The following HAAO variants were observed in gnomAD, a reference collection of about 807,000 sequenced individuals.
The protein encoded by HAAO is 3-hydroxyanthranilate 3,4-dioxygenase.
In HAAO, 49 loss-of-function variants were observed where a neutral mutation model predicts 46.2. The ratio of observed to expected loss-of-function variants is 1.06; its 90% confidence interval spans 0.84 to 1.34. HAAO has a LOEUF of 1.34. Among genes scored for constraint, HAAO ranks in the 40% most tolerant of loss-of-function variants. The pLI is 0.00. For synonymous variants in HAAO, 157 were observed against 145.2 expected, an observed-to-expected ratio of 1.08 and a Z score of -0.58; for missense variants, 408 against 364.5, an observed-to-expected ratio of 1.12 and a Z score of -0.97.
chr2:42,771,457 AAAAAG>A (rs1438432267), intron 4 of HAAO, among the ~76,000 whole-genome samples: 52 of 151,748 alleles, frequency 3.4e-4, no homozygotes, highest in African/African-American at 9.9e-4. Context: ...AAAAAAAAAA[AAAAAG>A]AAGCCAACAC....
chr2:42,783,043 C>G, intron 4 of HAAO: 1 of 528,808 alleles, frequency 1.9e-6, no homozygotes, highest in Non-Finnish European at 3.4e-6. Flanking sequence ...CAACCTCACG[C>G]AGAAAGCACA....
Position 42,788,575 on chromosome 2 carries a change from C to G in HAAO, c.113G>C (p.Gly38Ala). The G allele has an allele frequency of 6.2e-7, 1 of 1,606,058 alleles. No homozygotes were observed. The highest frequency in any genetic ancestry group is 8.5e-7 in the Non-Finnish European group (1 of 1,172,798). Residue 38 changes from glycine (G) to alanine (A), a missense_variant, in exon 2 of 10, where the codon GGA becomes GCA. Transcript: ENST00000294973. ...ATAGTCCTTCCTGGTGTTGGGGCCT[C>G]CGATGAACATGACTTTGAGCTGCTC... Reference protein sequence around the residue: ...HQEQLKVMFIGGPNTRKDYHI... With the variant: ...HQEQLKVMFIAGPNTRKDYHI...
At position 42,792,071 on chromosome 2, in the gene HAAO, C is replaced by G. The variant is rs556510302; in HGVS notation, c.80+386G>C. Among the ~76,000 whole-genome samples, 13 of 152,266 alleles carry G rather than the reference C, an allele frequency of 8.5e-5. No individual in the cohort carries two copies. The East Asian group carries it at 1.7e-3, about 20-fold the overall frequency. ...GGTTGGGGTGTATGATTTGGCTGCC[C>G]CCAGGCCTACATTCTAGTGCATTTC... On this transcript the variant is annotated intron_variant, in intron 1 of 9. Coordinates refer to ENST00000294973, the MANE Select transcript of HAAO (RefSeq NM_012205.3).
At position 42,792,437 on chromosome 2, in the gene HAAO, C is replaced by CCCAT. The variant is rs1558680265; in HGVS notation, c.80+19_80+20insATGG. 6.8e-7 allele frequency: 1 copy of CCCAT among 1,476,350 alleles called. No homozygotes were observed. Among genetic ancestry groups the CCCAT allele is most frequent in the Non-Finnish European group, 9.2e-7 (1 of 1,085,620 alleles). The allele number at this position is 1,476,350 out of a possible 1,614,324, so 91.5% of individuals were successfully genotyped here. A position where few individuals can be genotyped will look rare whatever the true frequency, so the allele number is the denominator to read the frequency against. Reference sequence around the variant, plus strand: ...GGAGGAGGCGAGGGCAGGGGGCGGCCATGGGGGTGCTGGACTCACATGAGC... The same window carrying CCCAT: ...GGAGGAGGCGAGGGCAGGGGGCGGCCCCATATGGGGGTGCTGGACTCACATGAGC... On this transcript the variant is annotated intron_variant, in intron 1 of 9. Transcript: ENST00000294973.
intron 7 of HAAO, among the ~76,000 whole-genome samples, chr2:42,768,618 C>T (rs1454693768): frequency 6.6e-6 from 1 of 152,158 alleles, no homozygotes. Context: ...TCATTCAAAG[C>T]CCATGGGATG....
chr2:42,783,058 C>G, intron 4 of HAAO: 5 of 546,446 alleles, frequency 9.2e-6, no homozygotes, highest in South Asian at 4.3e-5. Context: ...AGCACAGATT[C>G]TGATTCCAGC....
At chr2:42,783,284 C>T in intron 4 of HAAO, 30 bp downstream of exon 4, 1 of 1,364,582 alleles carries the variant, frequency 7.3e-7, no homozygotes, top group African/African-American at 1.4e-5. Context: ...TTTGCCCTTT[C>T]TCTGCCCCAG....
At chr2:42,776,896 T>G (rs1038938202) in intron 4 of HAAO, among the ~76,000 whole-genome samples, 2 of 151,926 alleles carry the variant, frequency 1.3e-5, no homozygotes, top group African/African-American at 4.8e-5. Flanking sequence ...CCTCCCAAAG[T>G]GCTGGGATTA....
rs754956255 is a variant in HAAO at position 42,767,851 on chromosome 2, C to T, written c.699+9G>A. ...GGGTTCTGCAACCCTGTCCCTGGGC[C>T]CCACTTGCCAGCTGCCACAGCCACA... On this transcript the variant is annotated intron_variant, in intron 8 of 9. Transcript: ENST00000294973. 6 of 1,613,522 alleles carry T rather than the reference C, an allele frequency of 3.7e-6. No individual in the cohort carries two copies. Among genetic ancestry groups the T allele is most frequent in the Non-Finnish European group, 4.2e-6 (5 of 1,179,446 alleles).
chr2:42,770,621 C>T (rs1315197857), intron 4 of HAAO, 39 bp from the exon 5 acceptor site: 1 of 1,422,988 alleles, frequency 7.0e-7, no homozygotes, highest in Non-Finnish European at 9.6e-7. Context: ...CTGTCCCCAT[C>T]TGGGTGGCTT....
intron 4 of HAAO, among the ~76,000 whole-genome samples, chr2:42,778,773 A>G (rs1004115189): frequency 1.3e-5 from 2 of 152,064 alleles, no homozygotes; most frequent in Non-Finnish European, 2.9e-5. Context: ...CATGTAAGAG[A>G]TGGGCATGGG....
chr2:42,778,247 A>T (rs990938173), intron 4 of HAAO, among the ~76,000 whole-genome samples: 1 of 152,316 alleles, frequency 6.6e-6, no homozygotes, highest in East Asian at 1.9e-4. Context: ...ACATCTGTGT[A>T]TCTCTCTGTA....
In HAAO at chr2:42,771,214, T is replaced by TAAA. The variant is rs1175608291; in HGVS notation, c.351-635_351-633dup. ...CAACATGGTGAAACCCTGTCTCTACTAAAAATAATAATAATAATAAATAAA... is the reference window on the plus strand; with the variant it reads ...CAACATGGTGAAACCCTGTCTCTACTAAAAAAAATAATAATAATAATAAATAAA... On this transcript the variant is annotated intron_variant, in intron 4 of 9. Coordinates refer to ENST00000294973, the MANE Select transcript of HAAO (RefSeq NM_012205.3). Among the ~76,000 whole-genome samples the TAAA allele has an allele frequency of 2.4e-5, 3 of 126,030 alleles. No individual in the cohort carries two copies. The Admixed American group carries it at 2.6e-4, about 11-fold the overall frequency. The allele number at this position is 126,030 out of a possible 152,430, so 82.7% of individuals were successfully genotyped here. A position where few individuals can be genotyped will look rare whatever the true frequency, so the allele number is the denominator to read the frequency against.
At position 42,783,337 on chromosome 2, in the gene HAAO, C is replaced by A. The variant is rs1471432892; in HGVS notation, c.327G>T (p.Leu109=). 4.3e-6 allele frequency: 7 copies of A among 1,611,946 alleles called. No individual in the cohort carries two copies. The highest frequency in any genetic ancestry group is 5.9e-6 in the Non-Finnish European group (7 of 1,178,616). The change falls in exon 4 of 10, where the codon CTG becomes CTT. Residue 109 remains leucine, a synonymous_variant. Transcript: ENST00000294973. ...TVGLVVERRR[L]ETELDGLRYY... ...ACCTGAGCCCATCTAGCTCGGTCTC[C>A]AGCCGCCTTCGCTCAACCACCAGCC... is the stretch of plus-strand genomic sequence containing the variant.
In HAAO at chr2:42,792,548, G is replaced by A. The variant is rs1046331957; in HGVS notation, c.-12C>T. On this transcript the variant is annotated 5_prime_UTR_variant, in exon 1 of 10. Transcript: ENST00000294973. ...AGGCGGCGCTCCATGACTGTCCCGG[G>A]CGCCTCCTCGCAGCGCTGTCCTCCC... The A allele has an allele frequency of 3.2e-6, 5 of 1,546,476 alleles. No homozygotes were observed. In the African/African-American group the frequency reaches 4.3e-5, roughly 13 times the overall value.
intron 2 of HAAO, among the ~76,000 whole-genome samples, chr2:42,786,539 C>G (rs1464922248): frequency 6.6e-6 from 1 of 152,212 alleles, no homozygotes; most frequent in Non-Finnish European, 1.5e-5. Context: ...ACTCTATGCA[C>G]ATTGAATTCT....
chr2:42,780,786 G>A (rs1006934484), intron 4 of HAAO, among the ~76,000 whole-genome samples: 2 of 151,054 alleles, frequency 1.3e-5, no homozygotes, highest in Non-Finnish European at 2.9e-5. Flanking sequence ...TAATACTCCC[G>A]GCCGGGCGTG....
At position 42,770,496 on chromosome 2, in the gene HAAO, T is replaced by C; in HGVS notation, c.437A>G (p.Gln146Arg). Residue 146 changes from glutamine to arginine, a missense_variant, in exon 5 of 10, where the codon CAG becomes CGG. By Grantham distance (43) the Gln-to-Arg change is conservative. Transcript: ENST00000294973. ...DLGTQLAPII[Q>R]EFFSSEQYRT... ...AGGGGCTGGGCTGGGGGCTCACTCC[T>C]GGATGATGGGGGCCAACTGCGTGCC... The C allele has an allele frequency of 6.5e-7, 1 of 1,548,636 alleles. No homozygotes were observed. Among genetic ancestry groups the C allele is most frequent in the Non-Finnish European group, 8.7e-7 (1 of 1,144,724 alleles).
chr2:42,773,618 A>G (rs987178123), intron 4 of HAAO, among the ~76,000 whole-genome samples: 4 of 128,672 alleles, frequency 3.1e-5, no homozygotes, highest in Non-Finnish European at 4.7e-5. Context: ...ACGGAGTCTC[A>G]CTCTGTCACC....
Sources: allele counts gnomAD v4.1 joint callset (sites outside exome capture counted in the v4.1 genomes callset), GRCh38; gene constraint gnomAD v4.1.1; transcripts MANE v1.5; gene names NCBI Gene and HGNC (gene_info 2026-07-23, HGNC 2026-07-21).